The following PTPRD variants were observed in gnomAD, a reference collection of about 807,000 sequenced individuals.
PTPRD encodes the protein receptor-type tyrosine-protein phosphatase delta.
In PTPRD, 34 loss-of-function variants were observed where a neutral mutation model predicts 214.5. That is an observed-to-expected ratio of 0.16 (90% CI 0.12 to 0.21). The LOEUF is 0.21. PTPRD is among the 10% of genes least tolerant of loss of function. PTPRD has a pLI of 1.00. For synonymous variants in PTPRD, 1,128 were observed against 845.7 expected, an observed-to-expected ratio of 1.33 and a Z score of -5.79; for missense variants, 2,545 against 2,398.7, an observed-to-expected ratio of 1.06 and a Z score of -1.27.
intron 5 of PTPRD, among the ~76,000 whole-genome samples, chr9:9,842,788 G>A (rs573988828): frequency 6.6e-6 from 1 of 152,092 alleles, no homozygotes; most frequent in South Asian, 2.1e-4. Context: ...ACATGATGTG[G>A]AAGAAAAGGG....
At chr9:8,978,382 G>A (rs968548545) in intron 11 of PTPRD, among the ~76,000 whole-genome samples, 10 of 152,124 alleles carry the variant, frequency 6.6e-5, no homozygotes, top group African/African-American at 2.4e-4. Flanking sequence ...GTTGTACTTT[G>A]TAAAGCTTAG....
intron 10 of PTPRD, among the ~76,000 whole-genome samples, chr9:9,041,502 A>G (rs1293860000): frequency 6.6e-6 from 1 of 152,150 alleles, no homozygotes; most frequent in Non-Finnish European, 1.5e-5. Context: ...TGCTAAGGAT[A>G]ATGGCCTCTA....
At chr9:9,446,731 T>C (rs1243120687) in intron 8 of PTPRD, among the ~76,000 whole-genome samples, 2 of 152,134 alleles carry the variant, frequency 1.3e-5, no homozygotes, top group Non-Finnish European at 2.9e-5. Flanking sequence ...ACATCTTACC[T>C]ACATAATAGA....
At chr9:10,188,709 T>C (rs779994996) in intron 3 of PTPRD, among the ~76,000 whole-genome samples, 2 of 152,104 alleles carry the variant, frequency 1.3e-5, no homozygotes, top group South Asian at 4.1e-4. Context: ...TGGCACTGCA[T>C]GGTAGGTTTT....
chr9:8,497,134 T>C (rs925583969), intron 26 of PTPRD, 108 bp downstream of exon 26: 1 of 934,474 alleles, frequency 1.1e-6, no homozygotes, highest in East Asian at 2.8e-5. Flanking sequence ...ATTTGTTAGT[T>C]CATGCATCCA....
At chr9:9,389,262 C>G (rs909373381) in intron 9 of PTPRD, among the ~76,000 whole-genome samples, 4 of 152,140 alleles carry the variant, frequency 2.6e-5, no homozygotes, top group Non-Finnish European at 5.9e-5. Flanking sequence ...TGTAATTCCA[C>G]CACCTTGGGA....
chr9:8,507,537 T>C, intron 21 of PTPRD, 103 bp from the exon 22 acceptor site: 3 of 1,392,680 alleles, frequency 2.2e-6, no homozygotes, highest in Middle Eastern at 1.9e-4. Flanking sequence ...TCTGTACACA[T>C]GTACCAGCTT....
chr9:8,418,074 T>G (rs561231182), intron 35 of PTPRD, among the ~76,000 whole-genome samples: 1 of 152,308 alleles, frequency 6.6e-6, no homozygotes, highest in Admixed American at 6.5e-5. Context: ...CAACTCAATA[T>G]AAATATTGGA....
At chr9:8,437,456 C>G (rs961624420) in intron 34 of PTPRD, among the ~76,000 whole-genome samples, 2 of 152,136 alleles carry the variant, frequency 1.3e-5, no homozygotes, top group Non-Finnish European at 2.9e-5. Flanking sequence ...CATGCAAACA[C>G]AGACACAAAG....
At chr9:8,924,103 G>A (rs180920237) in intron 11 of PTPRD, among the ~76,000 whole-genome samples, 5 of 118,266 alleles carry the variant, frequency 4.2e-5, no homozygotes, top group Admixed American at 9.3e-5. Flanking sequence ...TTCATAAGGC[G>A]CAGTCCCAGG....
At chr9:8,378,718 T>C (rs1271528054) in intron 37 of PTPRD, among the ~76,000 whole-genome samples, 1 of 152,054 alleles carries the variant, frequency 6.6e-6, no homozygotes, top group Non-Finnish European at 1.5e-5. Flanking sequence ...AACAAAATGA[T>C]CTATACAGCC....
chr9:10,173,897 G>A (rs1212848943), intron 3 of PTPRD, among the ~76,000 whole-genome samples: 1 of 151,870 alleles, frequency 6.6e-6, no homozygotes, highest in Non-Finnish European at 1.5e-5. Context: ...GATAGCCAAG[G>A]TTTGACTTAG....
chr9:10,413,179 G>A (rs2098454669), intron 2 of PTPRD, among the ~76,000 whole-genome samples: 2 of 151,834 alleles, frequency 1.3e-5, no homozygotes, highest in African/African-American at 4.8e-5. Flanking sequence ...AACTATCTCT[G>A]CAGATGACAT....
intron 2 of PTPRD, among the ~76,000 whole-genome samples, chr9:10,421,098 T>C (rs975279359): frequency 6.6e-6 from 1 of 151,836 alleles, no homozygotes; most frequent in Non-Finnish European, 1.5e-5. Context: ...AAAAATCTCA[T>C]AATGTCTTAA....
chr9:10,315,888 T>C (rs918674661), intron 3 of PTPRD, among the ~76,000 whole-genome samples: 4 of 151,886 alleles, frequency 2.6e-5, no homozygotes, highest in African/African-American at 9.7e-5. Flanking sequence ...AATGAGTCTT[T>C]CTCATGAAAG....
At chr9:9,987,989 G>A (rs867912040) in intron 4 of PTPRD, among the ~76,000 whole-genome samples, 58 of 151,978 alleles carry the variant, frequency 3.8e-4, no homozygotes, top group African/African-American at 1.4e-3. Context: ...CATTATAATC[G>A]AGTCAAAACA....
In PTPRD at chr9:9,886,715, T is replaced by C. The variant is rs151124415; in HGVS notation, c.-368+51792A>G. On this transcript the variant is annotated intron_variant, in intron 5 of 45. Coordinates refer to ENST00000381196, the MANE Select transcript of PTPRD (RefSeq NM_002839.4). Reference sequence around the variant, plus strand: ...AAGTAACACTACATGACTTTTGTGGTTCAGTTAGGAAAGACAATGCAGCCT... The same window carrying C: ...AAGTAACACTACATGACTTTTGTGGCTCAGTTAGGAAAGACAATGCAGCCT... 6.7e-3 allele frequency among the ~76,000 whole-genome samples: 1,018 copies of C among 152,240 alleles called. 7 individuals are homozygous for C. Among genetic ancestry groups the C allele is most frequent in the African/African-American group, 0.024 (978 of 41,540 alleles).
intron 5 of PTPRD, among the ~76,000 whole-genome samples, chr9:9,789,590 G>C (rs1051102152): frequency 1.3e-5 from 2 of 151,756 alleles, no homozygotes; most frequent in Non-Finnish European, 2.9e-5. Flanking sequence ...GAGATCAGGA[G>C]ATCAAGACTA....
intron 4 of PTPRD, among the ~76,000 whole-genome samples, chr9:9,944,514 GA>G (rs1428211886): frequency 9.9e-5 from 15 of 152,088 alleles, no homozygotes; most frequent in Non-Finnish European, 1.8e-4. Context: ...TTAATAAAAA[GA>G]TTTTTTTAAT....
Sources: allele counts gnomAD v4.1 joint callset (sites outside exome capture counted in the v4.1 genomes callset), GRCh38; gene constraint gnomAD v4.1.1; transcripts MANE v1.5; gene names NCBI Gene and HGNC (gene_info 2026-07-23, HGNC 2026-07-21).